CRTAC1: variants seen among roughly 807,000 people sequenced by gnomAD.
CRTAC1 encodes the protein cartilage acidic protein 1.
In CRTAC1, 37 loss-of-function variants were observed where a neutral mutation model predicts 67.8. That is an observed-to-expected ratio of 0.55 (90% CI 0.42 to 0.72). CRTAC1 has a LOEUF of 0.72. CRTAC1 is among the 30% of genes least tolerant of loss of function. The pLI is 0.00. For synonymous variants in CRTAC1, 348 were observed against 371.0 expected (o/e 0.94, Z 0.71); for missense variants, 780 against 931.6 (o/e 0.84, Z 2.12).
intron 3 of CRTAC1, among the ~76,000 whole-genome samples, chr10:97,929,093 G>A (rs907443973): frequency 6.6e-6 from 1 of 151,972 alleles, no homozygotes; most frequent in African/African-American, 2.4e-5. Context: ...GAGTGAGGGA[G>A]CTGTCCAAAA....
chr10:97,879,643 G>C (rs1245882284), intron 14 of CRTAC1: 1 of 1,534,754 alleles, frequency 6.5e-7, no homozygotes, highest in East Asian at 2.5e-5. Context: ...TTCCACAAAG[G>C]CTGTTAGTTT....
At chr10:98,008,488 C>T (rs953151790) in intron 2 of CRTAC1, among the ~76,000 whole-genome samples, 2 of 151,964 alleles carry the variant, frequency 1.3e-5, no homozygotes, top group Non-Finnish European at 2.9e-5. Context: ...GAGAGCCAGA[C>T]CATGAGAAGC....
intron 14 of CRTAC1, chr10:97,878,427 A>G: frequency 3.5e-6 from 1 of 288,124 alleles, no homozygotes; most frequent in Non-Finnish European, 6.3e-6. Context: ...GAGTATTACC[A>G]TGATATCAGA....
At chr10:97,979,806 A>T (rs919663704) in intron 2 of CRTAC1, among the ~76,000 whole-genome samples, 25 of 152,164 alleles carry the variant, frequency 1.6e-4, no homozygotes, top group Non-Finnish European at 4.4e-5. Context: ...AAGGGTCCCC[A>T]GATGGTTCTA....
At chr10:97,946,902 G>A (rs573651355) in intron 2 of CRTAC1, among the ~76,000 whole-genome samples, 27 of 152,310 alleles carry the variant, frequency 1.8e-4, no homozygotes, top group Non-Finnish European at 3.1e-4. Flanking sequence ...AGTTGGCAGC[G>A]ATGAGATCAG....
At position 97,895,963 on chromosome 10, in the gene CRTAC1, G is replaced by A. The variant is rs558485684; in HGVS notation, c.1239C>T (p.Asp413=). ...AGATGAGGTCCAGCATCCCGTCTCC[G>A]TCGAAGTCGGTCACCACACCCCCTA... ...RGTGGVVTDF[D]GDGMLDLILS... Residue 413 remains aspartate, a synonymous_variant, in exon 10 of 15, where the codon GAC becomes GAT. Coordinates refer to ENST00000370597, the MANE Select transcript of CRTAC1 (RefSeq NM_018058.7). This position sits in a 1 kb window ranked among gnomAD's most constrained non-coding sequence, Gnocchi z 4.2. 186 of 1,613,962 alleles carry A rather than the reference G, an allele frequency of 1.2e-4. No homozygotes were observed. The highest frequency in any genetic ancestry group is 1.4e-4 in the Non-Finnish European group (171 of 1,179,954).
At chr10:97,948,516 A>G (rs904956842) in intron 2 of CRTAC1, among the ~76,000 whole-genome samples, 1 of 152,198 alleles carries the variant, frequency 6.6e-6, no homozygotes, top group Admixed American at 6.5e-5. Context: ...GGGACTGTGC[A>G]TGTTTGTGAG....
chr10:97,865,762 G>T, intron 14 of CRTAC1, 48 bp from the exon 15 acceptor site: 1 of 1,517,944 alleles, frequency 6.6e-7, no homozygotes, highest in Non-Finnish European at 8.8e-7. Flanking sequence ...GACCTGCGGC[G>T]GCTGCGCTAC....
intron 8 of CRTAC1, among the ~76,000 whole-genome samples, chr10:97,898,762 G>A (rs916888151): frequency 2.0e-5 from 3 of 152,184 alleles, no homozygotes; most frequent in Non-Finnish European, 4.4e-5. Flanking sequence ...ACCAGGAGTG[G>A]TGTCATGGTG....
At chr10:97,980,077 T>G (rs1213543200) in intron 2 of CRTAC1, among the ~76,000 whole-genome samples, 1 of 152,178 alleles carries the variant, frequency 6.6e-6, no homozygotes, top group Non-Finnish European at 1.5e-5. Flanking sequence ...GCTCTGCAGT[T>G]TAAAGCAACC....
chr10:98,003,805 G>T (rs950601837), intron 2 of CRTAC1, among the ~76,000 whole-genome samples: 1 of 152,174 alleles, frequency 6.6e-6, no homozygotes, highest in African/African-American at 2.4e-5. Context: ...CTGTCTGTCT[G>T]CCTGTCTGTC....
chr10:97,869,703 C>A (rs2050070342), intron 14 of CRTAC1: 1 of 152,310 alleles, frequency 6.6e-6, no homozygotes, highest in African/African-American at 2.4e-5. Context: ...TGTGACACGT[C>A]CCCCACGGCT....
chr10:98,020,835 G>A (rs891966259), intron 1 of CRTAC1, among the ~76,000 whole-genome samples: 1 of 152,240 alleles, frequency 6.6e-6, no homozygotes, highest in Admixed American at 6.5e-5. Context: ...AGCCTTGTGA[G>A]TGACACAGGC....
At chr10:97,988,109 A>G (rs2052014147) in intron 2 of CRTAC1, among the ~76,000 whole-genome samples, 1 of 152,076 alleles carries the variant, frequency 6.6e-6, no homozygotes, top group African/African-American at 2.4e-5. Context: ...GGACACAGAG[A>G]GCGATCCTGG....
At chr10:97,909,618 G>A (rs970307361) in intron 5 of CRTAC1, among the ~76,000 whole-genome samples, 1 of 152,082 alleles carries the variant, frequency 6.6e-6, no homozygotes, top group East Asian at 1.9e-4. Flanking sequence ...ATGTAAATGA[G>A]TACAGACATT....
chr10:97,920,996 G>C (rs537936823), intron 4 of CRTAC1, among the ~76,000 whole-genome samples: 40 of 152,268 alleles, frequency 2.6e-4, no homozygotes, highest in African/African-American at 9.4e-4. Flanking sequence ...ATGAGTGAGG[G>C]GTGGAAGGGG....
intron 3 of CRTAC1, 43 bp from the exon 4 acceptor site, chr10:97,923,443 G>A (rs751060617): frequency 6.2e-7 from 1 of 1,613,106 alleles, no homozygotes; most frequent in African/African-American, 1.3e-5. Context: ...CAGTGGATCA[G>A]GGTCTTGGTT....
chr10:97,969,067 G>A (rs1157980867), intron 2 of CRTAC1, among the ~76,000 whole-genome samples: 2 of 152,106 alleles, frequency 1.3e-5, no homozygotes, highest in Non-Finnish European at 2.9e-5. Context: ...CATGTCAAAA[G>A]TGCCCTCATT....
intron 11 of CRTAC1, among the ~76,000 whole-genome samples, chr10:97,892,955 A>T (rs1404136725): frequency 6.6e-6 from 1 of 152,224 alleles, no homozygotes; most frequent in Non-Finnish European, 1.5e-5. Context: ...GAGCACACAC[A>T]CACGACAAAA....
Sources: gnomAD v4.1 joint callset for allele counts (sites outside exome capture counted in the v4.1 genomes callset) on GRCh38, gnomAD v4.1.1 for gene constraint, Gnocchi (gnomAD v3.1) non-coding constraint, MANE v1.5 for transcripts, NCBI Gene and HGNC (gene_info 2026-07-23, HGNC 2026-07-21) for gene names.